PPP1R12C: variants seen among roughly 807,000 people sequenced by gnomAD.
PPP1R12C encodes the protein leukocyte receptor cluster (LRC) encoded novel gene 3.
PPP1R12C carries 48 observed loss-of-function variants against 95.6 expected under a neutral mutation model. The observed-to-expected ratio is 0.50, with a 90% CI of 0.40 to 0.64. The LOEUF is 0.64. Ranked by LOEUF, PPP1R12C falls within the 30% of genes least tolerant of loss-of-function variation. The pLI is 0.00. For synonymous variants in PPP1R12C, 480 were observed against 460.8 expected, an observed-to-expected ratio of 1.04 and a Z score of -0.53; for missense variants, 1,057 against 1,083.3, an observed-to-expected ratio of 0.98 and a Z score of 0.34.
At chr19:55,113,350 G>C (rs1178290650) in intron 1 of PPP1R12C, 1 of 1,354,808 alleles carries the variant, frequency 7.4e-7, no homozygotes, top group Admixed American at 3.1e-5. Flanking sequence ...ACAGACTCAG[G>C]GGCCTGGGCG....
intron 4 of PPP1R12C, 115 bp from the exon 5 acceptor site, chr19:55,099,210 G>C: frequency 1.6e-6 from 2 of 1,260,610 alleles, no homozygotes; most frequent in Non-Finnish European, 2.1e-6. Flanking sequence ...AACGTCCCTG[G>C]ACAGGCTGGT....
chr19:55,103,510 C>A lies in PPP1R12C; in HGVS notation c.630G>T (p.Arg210Ser). 6.2e-7 allele frequency: 1 copy of A among 1,604,032 alleles called. No homozygotes were observed. Residue 210 changes from arginine (R) to serine (S), a missense_variant, in exon 4 of 22, where the codon AGG becomes AGT. Physicochemically the swap from Arg to Ser is moderately radical, Grantham distance 110. Coordinates refer to ENST00000263433, the MANE Select transcript of PPP1R12C (RefSeq NM_017607.4). The part of the protein sequence containing the change: ...AEEELLLHDT[R>S]CWLNGGAMPE... ...GCATGGCGCCCCCATTCAGCCAGCACCTCGTGTCATGAAGGAGCAATTCCT... is the reference window on the plus strand; with the variant it reads ...GCATGGCGCCCCCATTCAGCCAGCAACTCGTGTCATGAAGGAGCAATTCCT...
intron 1 of PPP1R12C, chr19:55,113,043 G>A (rs1241729202): frequency 6.9e-6 from 4 of 583,410 alleles, no homozygotes; most frequent in African/African-American, 5.6e-5. Context: ...AACAGGAAGT[G>A]AACGGGGAAG....
In PPP1R12C at chr19:55,091,063, A is replaced by AGTC. The variant is rs1272638930; in HGVS notation, c.*408_*409insGAC. On this transcript the variant is annotated 3_prime_UTR_variant, in exon 22 of 22. Transcript: ENST00000263433. Reference sequence around the variant, plus strand: ...GCACATGGACCCTATATACAGGCCCACCTGGCTGAGGCTGGCGGGACTCTT... The same window carrying AGTC: ...GCACATGGACCCTATATACAGGCCCAGTCCCTGGCTGAGGCTGGCGGGACTCTT... The AGTC allele has an allele frequency of 5.4e-5, 14 of 257,748 alleles. No individual in the cohort carries two copies. Among genetic ancestry groups the AGTC allele is most frequent in the Non-Finnish European group, 9.9e-5 (13 of 131,232 alleles). The allele number at this position is 257,748 out of a possible 1,614,324, so 16.0% of individuals were successfully genotyped here.
chr19:55,103,798 G>A (rs1421439464), intron 3 of PPP1R12C, among the ~76,000 whole-genome samples: 3 of 151,910 alleles, frequency 2.0e-5, no homozygotes, highest in East Asian at 1.9e-4. Context: ...CTGGGAAAAC[G>A]GAGATCACAG....
intron 13 of PPP1R12C, 79 bp from the exon 14 acceptor site, chr19:55,093,312 C>A: frequency 4.1e-6 from 4 of 970,440 alleles, no homozygotes; most frequent in East Asian, 2.9e-5. Context: ...GAGCCCAGGC[C>A]CCAGCCCCTC....
At chr19:55,116,479 G>A (rs990718027) in intron 1 of PPP1R12C, among the ~76,000 whole-genome samples, 1 of 152,142 alleles carries the variant, frequency 6.6e-6, no homozygotes, top group Non-Finnish European at 1.5e-5. Flanking sequence ...GGCAGGGAAG[G>A]ATCTGGGCCA....
intron 4 of PPP1R12C, among the ~76,000 whole-genome samples, chr19:55,100,074 A>C (rs2084964405): frequency 6.6e-6 from 1 of 152,014 alleles, no homozygotes; most frequent in Admixed American, 6.5e-5. Flanking sequence ...TATTTCCCCA[A>C]GCGTCCGCTC....
intron 1 of PPP1R12C, among the ~76,000 whole-genome samples, chr19:55,116,892 G>C (rs2085160022): frequency 6.6e-6 from 1 of 152,158 alleles, no homozygotes; most frequent in African/African-American, 2.4e-5. Context: ...GGACTGCATG[G>C]GTCAGCACAG....
In PPP1R12C at chr19:55,117,205, C is replaced by T; in HGVS notation, c.321+18G>A. The T allele has an allele frequency of 8.2e-7, 1 of 1,221,962 alleles. No individual in the cohort carries two copies. The highest frequency in any genetic ancestry group is 1.0e-6 in the Non-Finnish European group (1 of 981,308). The allele number at this position is 1,221,962 out of a possible 1,614,324, so 75.7% of individuals were successfully genotyped here. A position where few individuals can be genotyped will look rare whatever the true frequency, so the allele number is the denominator to read the frequency against. On this transcript the variant is annotated intron_variant, in intron 1 of 21. Coordinates refer to ENST00000263433, the MANE Select transcript of PPP1R12C (RefSeq NM_017607.4). ...GGGTGGACCTGGCCCCGGGAGACGC[C>T]GGGCGGGGGGCGCTGACCTGGTGCA...
At chr19:55,105,195 C>T (rs1011657091) in intron 3 of PPP1R12C, among the ~76,000 whole-genome samples, 2 of 152,026 alleles carry the variant, frequency 1.3e-5, no homozygotes, top group African/African-American at 4.8e-5. Context: ...CCTCCCAAAG[C>T]CGGCATGAGC....
intron 16 of PPP1R12C, 33 bp from the exon 17 acceptor site, chr19:55,092,695 TG>T (rs1347763178): frequency 1.3e-6 from 2 of 1,530,554 alleles, no homozygotes; most frequent in Non-Finnish European, 8.8e-7. Context: ...TCAATGGGTA[TG>T]GGAGGGACTT....
At chr19:55,092,920 G>GC (rs1317594925) in intron 15 of PPP1R12C, 52 bp from the exon 16 acceptor site, 1 of 1,592,882 alleles carries the variant, frequency 6.3e-7, no homozygotes, top group Non-Finnish European at 8.5e-7. Context: ...CCCTCTCGGT[G>GC]CCTGGGTCCC....
At chr19:55,110,216 C>T (rs1312242530) in intron 3 of PPP1R12C, among the ~76,000 whole-genome samples, 1 of 152,092 alleles carries the variant, frequency 6.6e-6, no homozygotes, top group African/African-American at 2.4e-5. Flanking sequence ...CTAGCTGGGC[C>T]CTGAACCAGA....
Position 55,092,819 on chromosome 19 carries a change from G to A in PPP1R12C, c.1875C>T (p.His625=), listed in dbSNP as rs1455572684. The change falls in exon 16 of 22, where the codon CAC becomes CAT. Residue 625 remains histidine, a synonymous_variant. Coordinates refer to ENST00000263433, the MANE Select transcript of PPP1R12C (RefSeq NM_017607.4). ...CCCTCCACTCCTTTCCGACCTTGCG[G>A]TGCTCCCTGGCCGCCTGCGGTCCCG... The part of the protein sequence containing the change: ...QGPGPQAARE[H]RKVGKEWRGP... 8.3e-6 allele frequency: 13 copies of A among 1,564,692 alleles called. No homozygotes were observed. The highest frequency in any genetic ancestry group is 1.9e-5 in the Admixed American group (1 of 52,400).
At chr19:55,103,934 G>A (rs540004839) in intron 3 of PPP1R12C, among the ~76,000 whole-genome samples, 2 of 148,762 alleles carry the variant, frequency 1.3e-5, no homozygotes, top group East Asian at 2.0e-4. Flanking sequence ...GGTGGATCAC[G>A]AGCTCAGGAC....
rs774335028 is a variant in PPP1R12C at position 55,092,498 on chromosome 19, C to A, written c.1999G>T (p.Asp667Tyr). 5.5e-5 allele frequency: 89 copies of A among 1,609,472 alleles called. No homozygotes were observed. Among genetic ancestry groups the A allele is most frequent in the Middle Eastern group, 1.7e-4 (1 of 5,976 alleles). ...PSARRQRWQRDLNPEPEPESE... is the reference protein window; with the variant it reads ...PSARRQRWQRYLNPEPEPESE... ...TCTGGCTCAGGTTCTGGGTTGAGGTCCCGCTGCCACCGCTGCCTGCGGGCC... is the reference window on the plus strand; with the variant it reads ...TCTGGCTCAGGTTCTGGGTTGAGGTACCGCTGCCACCGCTGCCTGCGGGCC... The change falls in exon 18 of 22, where the codon GAC (aspartate) becomes TAC (tyrosine). Residue 667 changes from aspartate to tyrosine, a missense_variant. By Grantham distance (160) the Asp-to-Tyr change is radical. Transcript: ENST00000263433.
At position 55,093,137 on chromosome 19, in the gene PPP1R12C, C is replaced by T. The variant is rs910111069; in HGVS notation, c.1764+16G>A. On this transcript the variant is annotated intron_variant, in intron 14 of 21. Transcript: ENST00000263433. Reference sequence around the variant, plus strand: ...CATCCCGCACCACCCCACTCGCCCTCGCTGACCCCTCTCACCAGGCTCTGC... The same window carrying T: ...CATCCCGCACCACCCCACTCGCCCTTGCTGACCCCTCTCACCAGGCTCTGC... The T allele has an allele frequency of 5.0e-6, 8 of 1,613,450 alleles. No individual in the cohort carries two copies. The highest frequency in any genetic ancestry group is 1.3e-5 in the African/African-American group (1 of 74,894).
chr19:55,106,062 A>G (rs2085035189), intron 3 of PPP1R12C, among the ~76,000 whole-genome samples: 1 of 152,130 alleles, frequency 6.6e-6, no homozygotes, highest in Non-Finnish European at 1.5e-5. Flanking sequence ...TAAACGTGGG[A>G]TGGAACAGTC....
Sources: gnomAD v4.1 joint callset for allele counts (sites outside exome capture counted in the v4.1 genomes callset) on GRCh38, gnomAD v4.1.1 for gene constraint, MANE v1.5 for transcripts, NCBI Gene and HGNC (gene_info 2026-07-23, HGNC 2026-07-21) for gene names.